MYLK: variants seen among roughly 807,000 people sequenced by gnomAD.
MYLK encodes the protein myosin light chain kinase.
MYLK carries 106 observed loss-of-function variants against 203.4 expected under a neutral mutation model. That is an observed-to-expected ratio of 0.52 (90% CI 0.45 to 0.61). The LOEUF is 0.61. MYLK is among the 20% of genes least tolerant of loss of function. The pLI is 0.00. For synonymous variants in MYLK, 867 were observed against 959.5 expected (o/e 0.90, Z 1.78); for missense variants, 2,072 against 2,442.3 (o/e 0.85, Z 3.20).
chr3:123,684,708 G>A (rs893457865), intron 19 of MYLK, among the ~76,000 whole-genome samples: 28 of 152,204 alleles, frequency 1.8e-4, no homozygotes, highest in Admixed American at 4.6e-4. Flanking sequence ...CTAATTTTTC[G>A]TATTTTCAGT....
At chr3:123,819,456 A>G (rs1217894627) in intron 3 of MYLK, among the ~76,000 whole-genome samples, 3 of 152,190 alleles carry the variant, frequency 2.0e-5, no homozygotes, top group Admixed American at 2.0e-4. Context: ...TGTGAATCAT[A>G]AAGTCCCTTA....
intron 13 of MYLK, among the ~76,000 whole-genome samples, chr3:123,720,150 C>A (rs529228082): frequency 5.3e-5 from 8 of 152,208 alleles, no homozygotes; most frequent in Non-Finnish European, 1.0e-4. Flanking sequence ...CTTCTCCGAG[C>A]AAATCCAAAC....
intron 32 of MYLK, 83 bp downstream of exon 32, chr3:123,620,124 C>G: frequency 8.1e-7 from 1 of 1,232,576 alleles, no homozygotes; most frequent in Non-Finnish European, 1.2e-6. Flanking sequence ...AAAAAAAGAA[C>G]AAAACCAACC....
chr3:123,824,650 C>T (rs1193130511), intron 3 of MYLK, among the ~76,000 whole-genome samples: 1 of 151,876 alleles, frequency 6.6e-6, no homozygotes, highest in Non-Finnish European at 1.5e-5. Context: ...TCCTAATGCC[C>T]ACCTTTTAAA....
At chr3:123,615,393 G>C (rs898584042) in intron 33 of MYLK, among the ~76,000 whole-genome samples, 3 of 151,476 alleles carry the variant, frequency 2.0e-5, no homozygotes, top group Admixed American at 2.0e-4. Context: ...GAGTGCAGTA[G>C]CGTGATCTTG....
intron 7 of MYLK, among the ~76,000 whole-genome samples, chr3:123,738,353 AGAGG>A: frequency 6.6e-6 from 1 of 152,294 alleles, no homozygotes; most frequent in Middle Eastern, 3.4e-3. Flanking sequence ...TCTGAGTAAC[AGAGG>A]GAGAGTTGTA....
chr3:123,701,237 CAAAAAAA>C (rs35577296), intron 17 of MYLK, among the ~76,000 whole-genome samples, 194 bp downstream of exon 17: 2 of 116,242 alleles, frequency 1.7e-5, no homozygotes, highest in Admixed American at 9.2e-5. Flanking sequence ...AGGGTGTGTG[CAAAAAAA>C]AAAAAAAAAA....
At chr3:123,869,333 G>A (rs773923475) in intron 2 of MYLK, among the ~76,000 whole-genome samples, 1 of 152,088 alleles carries the variant, frequency 6.6e-6, no homozygotes. Flanking sequence ...GGTCCAAGAG[G>A]CCTTAAATTT....
At chr3:123,692,625 G>A in intron 19 of MYLK, 110 bp downstream of exon 19, 2 of 920,942 alleles carry the variant, frequency 2.2e-6, no homozygotes, top group Non-Finnish European at 3.6e-6. Flanking sequence ...GGGTAGGGAG[G>A]GCAGTGTTGG....
intron 18 of MYLK, among the ~76,000 whole-genome samples, 158 bp from the exon 19 acceptor site, chr3:123,693,009 G>C (rs979612419): frequency 2.6e-5 from 4 of 152,136 alleles, no homozygotes; most frequent in Non-Finnish European, 5.9e-5. Flanking sequence ...ACCAAAGCCA[G>C]GGAACTTTCT....
chr3:123,860,342 G>C (rs1239438415), intron 2 of MYLK, among the ~76,000 whole-genome samples: 1 of 152,170 alleles, frequency 6.6e-6, no homozygotes, highest in African/African-American at 2.4e-5. Context: ...TGGACAGCTG[G>C]CTGCTCGAAT....
intron 5 of MYLK, among the ~76,000 whole-genome samples, chr3:123,748,361 A>T (rs1475056874): frequency 6.6e-6 from 1 of 152,250 alleles, no homozygotes; most frequent in Non-Finnish European, 1.5e-5. Flanking sequence ...ACGTTTCAAC[A>T]TGAGACTTGG....
chr3:123,633,823 C>T (rs2058532167), intron 29 of MYLK, among the ~76,000 whole-genome samples: 1 of 151,980 alleles, frequency 6.6e-6, no homozygotes, highest in African/African-American at 2.4e-5. Context: ...TCTTGGACTA[C>T]ACTTTCTGTG....
Position 123,629,828 on chromosome 3 carries a change from C to T in MYLK, c.4962-202G>A. On this transcript the variant is annotated intron_variant, in intron 29 of 33. Transcript: ENST00000360304. This position sits in a 1 kb window ranked among gnomAD's most constrained non-coding sequence, Gnocchi z 4.4. ...AGCCCTGTCTTTTCTTGGTCACCTG[C>T]CTCTTGACACCACCTACCTGTGAGG... The T allele has an allele frequency of 1.7e-6, 1 of 595,388 alleles. No individual in the cohort carries two copies. The highest frequency in any genetic ancestry group is 2.9e-5 in the East Asian group (1 of 34,842). The allele number at this position is 595,388 out of a possible 1,614,324, so 36.9% of individuals were successfully genotyped here.
intron 4 of MYLK, among the ~76,000 whole-genome samples, chr3:123,755,928 T>G (rs9843829): frequency 0.9 from 136,561 of 152,234 alleles, 62,989 homozygotes; most frequent in East Asian, 1. Context: ...AGAGACCCCT[T>G]CCTGCAAGTC....
At chr3:123,786,256 T>C (rs1263898244) in intron 4 of MYLK, among the ~76,000 whole-genome samples, 1 of 151,368 alleles carries the variant, frequency 6.6e-6, no homozygotes, top group Non-Finnish European at 1.5e-5. Context: ...TGAACCGCGA[T>C]TGTGTCACTG....
At chr3:123,741,688 T>C (rs2062860642) in intron 5 of MYLK, among the ~76,000 whole-genome samples, 1 of 152,200 alleles carries the variant, frequency 6.6e-6, no homozygotes, top group Admixed American at 6.5e-5. Flanking sequence ...AAGAGAAAGT[T>C]TACACAGCTA....
At chr3:123,632,457 T>G (rs1220258544) in intron 29 of MYLK, among the ~76,000 whole-genome samples, 3 of 152,214 alleles carry the variant, frequency 2.0e-5, no homozygotes, top group African/African-American at 7.2e-5. Flanking sequence ...TATTAGGAAC[T>G]ATAATCCTGC....
At chr3:123,697,596 A>G (rs2060984471) in intron 18 of MYLK, among the ~76,000 whole-genome samples, 1 of 152,194 alleles carries the variant, frequency 6.6e-6, no homozygotes, top group Non-Finnish European at 1.5e-5. Context: ...TGTTACCCCC[A>G]GCACCTTGCA....
Sources: allele counts gnomAD v4.1 joint callset (sites outside exome capture counted in the v4.1 genomes callset), GRCh38; gene constraint gnomAD v4.1.1; non-coding constraint Gnocchi (gnomAD v3.1); transcripts MANE v1.5; gene names NCBI Gene and HGNC (gene_info 2026-07-23, HGNC 2026-07-21).